Variants in HACD2 observed in about 807,000 individuals in gnomAD.
The protein encoded by HACD2 is very-long-chain (3R)-3-hydroxyacyl-CoA dehydratase 2.
A neutral mutation model predicts 31.0 loss-of-function variants in HACD2; 15 were observed. That is an observed-to-expected ratio of 0.48 (90% CI 0.32 to 0.75). The LOEUF (loss-of-function observed/expected upper bound fraction) is 0.75. Among genes scored for constraint, HACD2 ranks in the 30% least tolerant of loss-of-function variants. HACD2 has a pLI of 0.03. For synonymous variants in HACD2, 115 were observed against 122.2 expected (o/e 0.94, Z 0.39); for missense variants, 283 against 313.0 (o/e 0.90, Z 0.72).
At position 123,581,657 on chromosome 3, in the gene HACD2, T is replaced by C. The variant is rs140434468; in HGVS notation, c.273+555A>G. 3.6e-3 allele frequency among the ~76,000 whole-genome samples: 550 copies of C among 152,326 alleles called. 4 individuals carry two copies. The highest frequency in any genetic ancestry group is 4.3e-3 in the Non-Finnish European group (290 of 68,030). Reference sequence around the variant, plus strand: ...TGTATCAACTACAGAGGCCAGAAAATTCCTTTTTTGCTTAAAATAGTTTGA... The same window carrying C: ...TGTATCAACTACAGAGGCCAGAAAACTCCTTTTTTGCTTAAAATAGTTTGA... On this transcript the variant is annotated intron_variant, in intron 2 of 6. Coordinates refer to ENST00000383657, the MANE Select transcript of HACD2 (RefSeq NM_198402.5).
chr3:123,524,594 C>T (rs1202126869), intron 4 of HACD2, among the ~76,000 whole-genome samples: 2 of 152,204 alleles, frequency 1.3e-5, no homozygotes, highest in Non-Finnish European at 2.9e-5. Context: ...GGATCTCACA[C>T]AGGCATTTCC....
At chr3:123,503,020 T>C (rs372672175) in intron 4 of HACD2, 7 of 200,588 alleles carry the variant, frequency 3.5e-5, no homozygotes, top group East Asian at 1.2e-4. Context: ...TCCCAGCACT[T>C]TGGGAGGCTG....
chr3:123,509,687 G>C (rs1461001520), intron 4 of HACD2, among the ~76,000 whole-genome samples: 1 of 151,958 alleles, frequency 6.6e-6, no homozygotes, highest in Non-Finnish European at 1.5e-5. Flanking sequence ...TTTTAGTAGA[G>C]ATGGGGTTTC....
At chr3:123,503,489 C>T (rs2055932730) in intron 4 of HACD2, among the ~76,000 whole-genome samples, 1 of 152,018 alleles carries the variant, frequency 6.6e-6, no homozygotes, top group African/African-American at 2.4e-5. Context: ...TCCCCAGTCT[C>T]CTCTGAAGTT....
chr3:123,584,856 C>T lies in HACD2; in HGVS notation c.155+17G>A, dbSNP rs1422852293. The T allele has an allele frequency of 6.7e-7, 1 of 1,486,142 alleles. No homozygotes were observed. The highest frequency in any genetic ancestry group is 8.9e-7 in the Non-Finnish European group (1 of 1,118,168). The allele number at this position is 1,486,142 out of a possible 1,614,324, so 92.1% of individuals were successfully genotyped here. A position where few individuals can be genotyped will look rare whatever the true frequency, so the allele number is the denominator to read the frequency against. Reference sequence around the variant, plus strand: ...CCGGCCGCGCTGGCTCCCCGCCTCCCCGAGCCCCAGCCTCACCCGGCTGTC... The same window carrying T: ...CCGGCCGCGCTGGCTCCCCGCCTCCTCGAGCCCCAGCCTCACCCGGCTGTC... On this transcript the variant is annotated intron_variant, in intron 1 of 6. Transcript: ENST00000383657.
At chr3:123,576,300 T>C (rs1027356996) in intron 2 of HACD2, among the ~76,000 whole-genome samples, 2 of 152,092 alleles carry the variant, frequency 1.3e-5, no homozygotes, top group African/African-American at 4.8e-5. Context: ...TTAGCTATTG[T>C]ACCTCTTTGA....
chr3:123,550,717 G>A (rs1006686391), intron 3 of HACD2, among the ~76,000 whole-genome samples: 1 of 152,188 alleles, frequency 6.6e-6, no homozygotes, highest in Non-Finnish European at 1.5e-5. Flanking sequence ...TGTGGTGTCT[G>A]CAGAGGAACC....
chr3:123,503,360 G>A (rs2055930222), intron 4 of HACD2, among the ~76,000 whole-genome samples: 1 of 151,882 alleles, frequency 6.6e-6, no homozygotes, highest in African/African-American at 2.4e-5. Flanking sequence ...CAAGGCAAGG[G>A]CCCATTTATT....
chr3:123,567,303 C>A (rs1431618349), intron 3 of HACD2, among the ~76,000 whole-genome samples: 1 of 152,118 alleles, frequency 6.6e-6, no homozygotes, highest in Non-Finnish European at 1.5e-5. Context: ...ATTTGTATAA[C>A]CCTTTATACG....
chr3:123,579,495 G>A (rs1183100049), intron 2 of HACD2, among the ~76,000 whole-genome samples: 5 of 151,902 alleles, frequency 3.3e-5, no homozygotes, highest in Non-Finnish European at 4.4e-5. Flanking sequence ...GTAGAGATGA[G>A]GTCTTGCTAT....
intron 3 of HACD2, among the ~76,000 whole-genome samples, chr3:123,549,551 C>G (rs2056596527): frequency 6.6e-6 from 1 of 152,092 alleles, no homozygotes; most frequent in Non-Finnish European, 1.5e-5. Context: ...AGTTTGAGAC[C>G]AGTCTGGACA....
chr3:123,515,750 T>C (rs2056126506), intron 4 of HACD2, among the ~76,000 whole-genome samples: 1 of 151,952 alleles, frequency 6.6e-6, no homozygotes, highest in Admixed American at 6.6e-5. Flanking sequence ...TGGATGAGTA[T>C]GTTGGGGTTT....
At chr3:123,550,148 C>T (rs1490738931) in intron 3 of HACD2, among the ~76,000 whole-genome samples, 1 of 152,130 alleles carries the variant, frequency 6.6e-6, no homozygotes, top group African/African-American at 2.4e-5. Context: ...GTTTCAACAA[C>T]AACAACAAAA....
chr3:123,528,310 T>A lies in HACD2; in HGVS notation c.381+76A>T, dbSNP rs1292195458. 2.3e-5 allele frequency: 21 copies of A among 900,156 alleles called. No homozygotes were observed. In the East Asian group the frequency reaches 4.3e-4, roughly 19 times the overall value. 55.8% of individuals were successfully genotyped at this position (900,156 alleles called of 1,614,324 possible). A position where few individuals can be genotyped will look rare whatever the true frequency, so the allele number is the denominator to read the frequency against. ...ACTCTGACCTGGAACTCTTTAGCCA[T>A]AACAAACATGTGAATCAGAAAAGTT... On this transcript the variant is annotated intron_variant, in intron 4 of 6. Coordinates refer to ENST00000383657, the MANE Select transcript of HACD2 (RefSeq NM_198402.5).
At chr3:123,534,292 C>T (rs920933545) in intron 3 of HACD2, among the ~76,000 whole-genome samples, 3 of 152,050 alleles carry the variant, frequency 2.0e-5, no homozygotes, top group Admixed American at 6.6e-5. Context: ...TTTCGGATAA[C>T]GACGTACTGC....
chr3:123,575,360 T>C (rs947774287), intron 2 of HACD2, among the ~76,000 whole-genome samples: 7 of 152,132 alleles, frequency 4.6e-5, no homozygotes, highest in Admixed American at 4.6e-4. Context: ...GAAGCGATCC[T>C]CCCACCTTGG....
Position 123,556,852 on chromosome 3 carries a change from C to T in HACD2, c.292+10910G>A, listed in dbSNP as rs536930045. Among the ~76,000 whole-genome samples the T allele has an allele frequency of 5.3e-5, 8 of 152,272 alleles. No individual in the cohort carries two copies. In the South Asian group the frequency reaches 1.7e-3, roughly 32 times the overall value. ...CAAATGAGCATATGAAAAGATGTGC[C>T]ATAGCATTTGTCATTAGAGAAATAA... On this transcript the variant is annotated intron_variant, in intron 3 of 6. Coordinates refer to ENST00000383657, the MANE Select transcript of HACD2 (RefSeq NM_198402.5).
At chr3:123,535,767 G>A (rs1203932967) in intron 3 of HACD2, among the ~76,000 whole-genome samples, 1 of 152,188 alleles carries the variant, frequency 6.6e-6, no homozygotes, top group East Asian at 1.9e-4. Context: ...TTCTCTATGG[G>A]AACCAGGGAC....
At chr3:123,579,351 G>C (rs2056941536) in intron 2 of HACD2, among the ~76,000 whole-genome samples, 1 of 151,130 alleles carries the variant, frequency 6.6e-6, no homozygotes, top group Admixed American at 6.6e-5. Context: ...CTGGATTGCA[G>C]TGATGCAATC....
Sources: allele counts gnomAD v4.1 joint callset (sites outside exome capture counted in the v4.1 genomes callset), GRCh38; gene constraint gnomAD v4.1.1; transcripts MANE v1.5; gene names NCBI Gene and HGNC (gene_info 2026-07-23, HGNC 2026-07-21).